Variants in TMEM63C observed in about 807,000 individuals in gnomAD.
TMEM63C encodes the protein osmosensitive cation channel TMEM63C.
TMEM63C carries 32 observed loss-of-function variants against 99.2 expected under a neutral mutation model. That is an observed-to-expected ratio of 0.32 (90% CI 0.24 to 0.43). The LOEUF is 0.43. Ranked by LOEUF, TMEM63C falls within the 20% of genes least tolerant of loss-of-function variation. The pLI is 1.00. For missense variants in TMEM63C, 826 were observed against 1,053.0 expected (o/e 0.78, Z 2.98); for synonymous variants, 376 against 397.9 (o/e 0.94, Z 0.66).
At chr14:77,214,340 T>TGAGC (rs1888544510) in intron 2 of TMEM63C, among the ~76,000 whole-genome samples, 1 of 152,152 alleles carries the variant, frequency 6.6e-6, no homozygotes, top group Admixed American at 6.5e-5. Flanking sequence ...GAGCGATGAG[T>TGAGC]GAGCGTTGGA....
At chr14:77,253,981 C>T (rs1889419931) in intron 23 of TMEM63C, among the ~76,000 whole-genome samples, 1 of 152,212 alleles carries the variant, frequency 6.6e-6, no homozygotes, top group Non-Finnish European at 1.5e-5. Context: ...AATGCACACA[C>T]TGAGGTGGGT....
intron 1 of TMEM63C, among the ~76,000 whole-genome samples, chr14:77,202,535 A>G (rs1022238164): frequency 7.9e-5 from 12 of 152,078 alleles, no homozygotes; most frequent in African/African-American, 2.9e-4. Flanking sequence ...GCCTCTTCCT[A>G]GTTCCTGGGG....
At chr14:77,188,342 G>A (rs1888038843) in intron 1 of TMEM63C, among the ~76,000 whole-genome samples, 1 of 152,194 alleles carries the variant, frequency 6.6e-6, no homozygotes, top group Non-Finnish European at 1.5e-5. Flanking sequence ...AATGGTGTGG[G>A]TAAACAAGGA....
intron 2 of TMEM63C, among the ~76,000 whole-genome samples, chr14:77,214,000 T>C (rs1265695765): frequency 6.6e-5 from 10 of 152,066 alleles, no homozygotes; most frequent in African/African-American, 2.2e-4. Context: ...TCGCAGGTTC[T>C]GGGAGTGAGC....
intron 13 of TMEM63C, among the ~76,000 whole-genome samples, chr14:77,241,504 AG>A (rs1232523682): frequency 1.3e-5 from 2 of 151,988 alleles, no homozygotes; most frequent in Non-Finnish European, 1.5e-5. Context: ...TGTGGGGGGC[AG>A]GGGGGCTCTT....
chr14:77,248,776 A>G lies in TMEM63C; in HGVS notation c.1774A>G (p.Ile592Val). ...CTGCCTTCTGCCCCAGAACCAGGCCATAGACTTCCAGTTTGGGCGTGAGTA... is the reference window on the plus strand; with the variant it reads ...CTGCCTTCTGCCCCAGAACCAGGCCGTAGACTTCCAGTTTGGGCGTGAGTA... ...ERVNIRKNQAIDFQFGREYAW... is the reference protein window; with the variant it reads ...ERVNIRKNQAVDFQFGREYAW... The change falls in exon 20 of 24, where the codon ATA (isoleucine) becomes GTA (valine). Residue 592 changes from isoleucine to valine, a missense_variant. Transcript: ENST00000298351. 1 of 1,614,056 alleles carries G rather than the reference A, an allele frequency of 6.2e-7. No individual in the cohort carries two copies. Among genetic ancestry groups the G allele is most frequent in the Non-Finnish European group, 8.5e-7 (1 of 1,179,880 alleles).
chr14:77,232,865 C>T (rs1888969601), intron 7 of TMEM63C, among the ~76,000 whole-genome samples: 1 of 152,218 alleles, frequency 6.6e-6, no homozygotes, highest in South Asian at 2.1e-4. Flanking sequence ...CCTGTTCATC[C>T]TTGGCCAGAG....
chr14:77,196,879 C>T (rs1460625514), intron 1 of TMEM63C, among the ~76,000 whole-genome samples: 4 of 152,186 alleles, frequency 2.6e-5, no homozygotes, highest in Non-Finnish European at 4.4e-5. Flanking sequence ...GCTCAGTGGC[C>T]TCCCCTTGCC....
chr14:77,233,751 C>T (rs568053248), intron 8 of TMEM63C, among the ~76,000 whole-genome samples: 79 of 152,010 alleles, frequency 5.2e-4, no homozygotes, highest in African/African-American at 1.3e-3. Context: ...CTCATGAAGA[C>T]GTGGAGAAAT....
At chr14:77,234,695 T>G (rs997264618) in intron 8 of TMEM63C, among the ~76,000 whole-genome samples, 1 of 152,146 alleles carries the variant, frequency 6.6e-6, no homozygotes, top group African/African-American at 2.4e-5. Flanking sequence ...TAGAATAAAG[T>G]GGGCCCTATT....
intron 2 of TMEM63C, 78 bp from the exon 3 acceptor site, chr14:77,218,722 CA>C: frequency 1.3e-6 from 2 of 1,489,260 alleles, no homozygotes; most frequent in Non-Finnish European, 1.8e-6. Flanking sequence ...GCCCATCCCA[CA>C]ACTCCCCATC....
chr14:77,232,465 T>C (rs1371640000), intron 7 of TMEM63C, among the ~76,000 whole-genome samples: 1 of 152,060 alleles, frequency 6.6e-6, no homozygotes, highest in Non-Finnish European at 1.5e-5. Flanking sequence ...TTTTTGTATT[T>C]TTAGTAGAGA....
intron 1 of TMEM63C, among the ~76,000 whole-genome samples, chr14:77,207,720 G>A (rs1402593908): frequency 1.3e-5 from 2 of 152,174 alleles, no homozygotes; most frequent in Admixed American, 6.5e-5. Context: ...AGGAATAAAC[G>A]ATGTTCAGTG....
Position 77,236,364 on chromosome 14 carries a change from G to GA in TMEM63C, c.543-260_543-259insA, listed in dbSNP as rs1889058677. On this transcript the variant is annotated intron_variant, in intron 8 of 23. Coordinates refer to ENST00000298351, the MANE Select transcript of TMEM63C (RefSeq NM_020431.4). ...TATGGGCAGACTGTGGTGGGTGGGG[G>GA]GTATGGGCAGACTGGTGGGGGGGTA... Among the ~76,000 whole-genome samples the GA allele has an allele frequency of 7.1e-5, 2 of 28,162 alleles. 1 individual carries two copies. The highest frequency in any genetic ancestry group is 5.5e-4 in the Admixed American group (2 of 3,630). 18.5% of individuals were successfully genotyped at this position (28,162 alleles called of 152,430 possible).
At chr14:77,220,173 C>A (rs113202091) in intron 5 of TMEM63C, 86 bp downstream of exon 5, 1 of 1,306,028 alleles carries the variant, frequency 7.7e-7, no homozygotes, top group East Asian at 2.5e-5. Context: ...ACGGCTTAGA[C>A]CTTGGGGCTT....
chr14:77,248,926 G>A (rs1594869826), intron 20 of TMEM63C, 54 bp downstream of exon 20: 3 of 1,484,128 alleles, frequency 2.0e-6, no homozygotes, highest in South Asian at 1.1e-5. Flanking sequence ...ATGGGGAGGA[G>A]GAATTGAGCC....
At chr14:77,192,349 T>C (rs1170078175) in intron 1 of TMEM63C, among the ~76,000 whole-genome samples, 3 of 152,232 alleles carry the variant, frequency 2.0e-5, no homozygotes, top group African/African-American at 7.2e-5. Context: ...AGGCAACTTA[T>C]CCTAGGTCCA....
At chr14:77,254,064 G>A (rs1455413185) in intron 23 of TMEM63C, among the ~76,000 whole-genome samples, 2 of 152,202 alleles carry the variant, frequency 1.3e-5, no homozygotes, top group African/African-American at 4.8e-5. Flanking sequence ...GCTGGCACTC[G>A]GTGAAAGCAT....
intron 22 of TMEM63C, among the ~76,000 whole-genome samples, chr14:77,252,683 C>G (rs1381321874): frequency 3.3e-5 from 5 of 152,260 alleles, no homozygotes; most frequent in African/African-American, 4.8e-5. Context: ...ATTTTAAGGA[C>G]TGACACACTA....
Sources: gnomAD v4.1 joint callset for allele counts (sites outside exome capture counted in the v4.1 genomes callset) on GRCh38, gnomAD v4.1.1 for gene constraint, MANE v1.5 for transcripts, NCBI Gene and HGNC (gene_info 2026-07-23, HGNC 2026-07-21) for gene names.